Variants in LYPLAL1 observed in about 807,000 individuals in gnomAD.
LYPLAL1 encodes lysophospholipase like 1.
A neutral mutation model predicts 19.7 loss-of-function variants in LYPLAL1; 23 were observed. The observed-to-expected ratio is 1.17, with a 90% CI of 0.84 to 1.65. LYPLAL1 has a LOEUF of 1.65. LYPLAL1 is among the 40% of genes most tolerant of loss of function. The probability of loss-of-function intolerance (pLI) is 0.00; values close to 1 mark genes in which losing one functional copy is unlikely to be tolerated. For missense variants in LYPLAL1, 355 were observed against 279.4 expected (o/e 1.27, Z -1.93); for synonymous variants, 119 against 96.3 (o/e 1.24, Z -1.38).
intron 3 of LYPLAL1, among the ~76,000 whole-genome samples, chr1:219,202,847 T>G (rs1403048323): frequency 6.6e-6 from 1 of 151,934 alleles, no homozygotes; most frequent in Non-Finnish European, 1.5e-5. Context: ...GGCTGTTTTT[T>G]TTTTTGTTTG....
chr1:219,418,513 C>T, the LYPLAL1 span, among the ~76,000 whole-genome samples: 36 of 152,168 alleles, frequency 2.4e-4, no homozygotes, highest in African/African-American at 8.4e-4. Flanking sequence ...GTTGGGTTAA[C>T]AGCAAAACCA....
the LYPLAL1 span, among the ~76,000 whole-genome samples, chr1:219,226,235 T>A: frequency 6.6e-6 from 1 of 152,344 alleles, no homozygotes; most frequent in East Asian, 1.9e-4. Context: ...AACAATGACA[T>A]AACTATCATT....
the LYPLAL1 span, among the ~76,000 whole-genome samples, chr1:219,308,440 T>A: frequency 6.6e-6 from 1 of 152,176 alleles, no homozygotes; most frequent in Non-Finnish European, 1.5e-5. Context: ...GGGAAAAATG[T>A]CTCAGAGCAT....
intron 3 of LYPLAL1, among the ~76,000 whole-genome samples, chr1:219,207,001 G>A (rs137903319): frequency 9.9e-5 from 15 of 151,262 alleles, no homozygotes; most frequent in Admixed American, 2.0e-4. Flanking sequence ...TCAATCATTC[G>A]TACAGCTTAG....
intron 2 of LYPLAL1, among the ~76,000 whole-genome samples, chr1:219,186,587 TC>T (rs1242718653): frequency 1.3e-5 from 2 of 151,838 alleles, no homozygotes; most frequent in African/African-American, 4.8e-5. Flanking sequence ...GTGGTAATAC[TC>T]TGAAGTGTAC....
intron 2 of LYPLAL1, among the ~76,000 whole-genome samples, chr1:219,186,866 A>G (rs146540443): frequency 1.8e-4 from 28 of 151,876 alleles, no homozygotes; most frequent in African/African-American, 6.3e-4. Flanking sequence ...TGTAACAATT[A>G]ATATGCTTGA....
chr1:219,177,648 C>T (rs1388434259), intron 1 of LYPLAL1, among the ~76,000 whole-genome samples: 1 of 152,190 alleles, frequency 6.6e-6, no homozygotes, highest in Non-Finnish European at 1.5e-5. Flanking sequence ...TATAACAAAT[C>T]CGTTGCCAAT....
At chr1:219,415,893 G>T in the LYPLAL1 span, among the ~76,000 whole-genome samples, 210 of 152,246 alleles carry the variant, frequency 1.4e-3, no homozygotes, top group African/African-American at 4.9e-3. Flanking sequence ...TCACCGCATG[G>T]TCTTCTCCCA....
At chr1:219,241,764 A>G in the LYPLAL1 span, among the ~76,000 whole-genome samples, 13 of 152,224 alleles carry the variant, frequency 8.5e-5, no homozygotes, top group African/African-American at 2.4e-4. Context: ...TTGGGAAACC[A>G]TGGAGTTAAG....
the LYPLAL1 span, among the ~76,000 whole-genome samples, chr1:219,310,625 G>C: frequency 1.3e-5 from 2 of 152,130 alleles, no homozygotes; most frequent in African/African-American, 4.8e-5. Flanking sequence ...AAAAGCAAAG[G>C]CCATGCTATG....
At chr1:219,185,455 C>A (rs1487096834) in intron 2 of LYPLAL1, among the ~76,000 whole-genome samples, 1 of 151,826 alleles carries the variant, frequency 6.6e-6, no homozygotes, top group Non-Finnish European at 1.5e-5. Context: ...CTAATCATTA[C>A]TGTAGCTAAG....
At chr1:219,197,198 T>C (rs2125077067) in intron 3 of LYPLAL1, among the ~76,000 whole-genome samples, 1 of 152,176 alleles carries the variant, frequency 6.6e-6, no homozygotes, top group East Asian at 1.9e-4. Context: ...AGGACAAAGG[T>C]GGAGGCATCA....
the LYPLAL1 span, among the ~76,000 whole-genome samples, chr1:219,370,689 C>T: frequency 6.6e-6 from 1 of 152,178 alleles, no homozygotes. Context: ...CTTTTGAGAA[C>T]ATGAACAACC....
the LYPLAL1 span, among the ~76,000 whole-genome samples, chr1:219,352,516 C>CAAATAAATAAAT: frequency 5.0e-4 from 76 of 150,792 alleles, no homozygotes; most frequent in South Asian, 0.012. Flanking sequence ...GACTCCGTCT[C>CAAATAAATAAAT]AAATAAATAA....
rs187651814 is a variant in LYPLAL1, at chr1:219,194,849, G to C, written c.361+1598G>C. Among the ~76,000 whole-genome samples, 60 of 152,170 alleles carry C rather than the reference G, an allele frequency of 3.9e-4. 1 individual carries two copies. The highest frequency in any genetic ancestry group is 1.8e-3 in the Admixed American group (27 of 15,264). The stretch of plus-strand genomic sequence containing the variant: ...AAATTTTAACTATTACAGTGTAGAA[G>C]TCTAGGTAGAGGGAATGATTTGTAC... On this transcript the variant is annotated intron_variant, in intron 3 of 4. Transcript: ENST00000366928.
At chr1:219,262,072 G>C in the LYPLAL1 span, among the ~76,000 whole-genome samples, 6 of 152,032 alleles carry the variant, frequency 3.9e-5, no homozygotes, top group Admixed American at 6.6e-5. Context: ...GACTCTGTCT[G>C]ATTGGGTTAA....
the LYPLAL1 span, among the ~76,000 whole-genome samples, chr1:219,291,201 A>G: frequency 7.5e-4 from 114 of 152,334 alleles, 1 homozygote; most frequent in Non-Finnish European, 1.4e-3. Flanking sequence ...ACAACAAAGG[A>G]AAATACTCAA....
At chr1:219,217,354 T>C (rs1659327211), downstream of LYPLAL1, among the ~76,000 whole-genome samples, 1 of 145,724 alleles carries the variant, frequency 6.9e-6, no homozygotes, top group Non-Finnish European at 1.5e-5. Context: ...ATTCAAGGTA[T>C]CGTTAGTATT....
chr1:219,412,645 T>G, the LYPLAL1 span, among the ~76,000 whole-genome samples: 10 of 152,286 alleles, frequency 6.6e-5, no homozygotes, highest in East Asian at 1.7e-3. Flanking sequence ...AGAATCCATA[T>G]CCTTTCTCAC....
Sources: allele counts gnomAD v4.1 joint callset (sites outside exome capture counted in the v4.1 genomes callset), GRCh38; gene constraint gnomAD v4.1.1; transcripts MANE v1.5; gene names NCBI Gene and HGNC (gene_info 2026-07-23, HGNC 2026-07-21).